Variants in RGS6 observed in about 807,000 individuals in gnomAD.
RGS6 encodes regulator of G protein signaling 6.
A neutral mutation model predicts 78.5 loss-of-function variants in RGS6; 30 were observed. The observed-to-expected ratio is 0.38, with a 90% CI of 0.29 to 0.52. RGS6 has a LOEUF of 0.52. Among genes scored for constraint, RGS6 ranks in the 20% least tolerant of loss-of-function variants. The probability of loss-of-function intolerance (pLI) is 0.85; values close to 1 mark genes in which losing one functional copy is unlikely to be tolerated. For missense variants in RGS6, 495 were observed against 609.7 expected (o/e 0.81, Z 1.98); for synonymous variants, 206 against 206.0 (o/e 1.00, Z 0.00).
At position 72,461,878 on chromosome 14, in the gene RGS6, A is replaced by C. The variant is rs529321181; in HGVS notation, c.394+2195A>C. On this transcript the variant is annotated intron_variant, in intron 6 of 17. Coordinates refer to ENST00000553525, the MANE Select transcript of RGS6 (RefSeq NM_001204424.2). ...AGAGACCTCATATTAAAATTAGAGT[A>C]GTAATGGCACTTGTCTCCTAGTGTT... is the stretch of plus-strand genomic sequence containing the variant. Among the ~76,000 whole-genome samples the C allele has an allele frequency of 5.9e-5, 9 of 152,318 alleles. 1 individual carries two copies. The highest frequency in any genetic ancestry group is 5.9e-4 in the Admixed American group (9 of 15,312).
At chr14:72,621,344 C>A in the RGS6 span, among the ~76,000 whole-genome samples, 2 of 152,126 alleles carry the variant, frequency 1.3e-5, no homozygotes, top group African/African-American at 2.4e-5. Flanking sequence ...TGGCCCCACC[C>A]CCTAGTTTCA....
At chr14:71,994,100 C>T (rs1047465372) in intron 2 of RGS6, among the ~76,000 whole-genome samples, 1 of 151,954 alleles carries the variant, frequency 6.6e-6, no homozygotes, top group African/African-American at 2.4e-5. Flanking sequence ...CTGCATTATA[C>T]ATACCCAATT....
intron 2 of RGS6, among the ~76,000 whole-genome samples, chr14:71,983,891 T>C (rs2094568941): frequency 6.6e-6 from 1 of 152,242 alleles, no homozygotes; most frequent in African/African-American, 2.4e-5. Context: ...CGCGTGAAGC[T>C]TAGTGCTCTC....
At chr14:72,385,433 T>G (rs1218272000) in intron 3 of RGS6, among the ~76,000 whole-genome samples, 1 of 152,218 alleles carries the variant, frequency 6.6e-6, no homozygotes, top group Non-Finnish European at 1.5e-5. Context: ...TAGCCAAGTC[T>G]CCTTGGTGTT....
intron 3 of RGS6, among the ~76,000 whole-genome samples, chr14:72,415,057 T>C (rs2093700695): frequency 6.6e-6 from 1 of 152,214 alleles, no homozygotes; most frequent in Non-Finnish European, 1.5e-5. Flanking sequence ...ACCACTGCTC[T>C]CTTCAAAGCT....
At chr14:72,593,399 T>C in the RGS6 span, among the ~76,000 whole-genome samples, 3 of 143,382 alleles carry the variant, frequency 2.1e-5, no homozygotes, top group African/African-American at 7.4e-5. Context: ...TTGTTTTGTT[T>C]TTTTGAGATG....
At position 72,441,356 on chromosome 14, in the gene RGS6, C is replaced by A. The variant is rs1330769513; in HGVS notation, c.185-13172C>A. Among the ~76,000 whole-genome samples, 2 of 152,222 alleles carry A rather than the reference C, an allele frequency of 1.3e-5. 1 individual carries two copies. The highest frequency in any genetic ancestry group is 1.3e-4 in the Admixed American group (2 of 15,284). Reference sequence around the variant, plus strand: ...TCTCTCCTCAGTCTCACATGACTGGCTTCAGTTTTCTCACCAGTCCTGCAA... The same window carrying A: ...TCTCTCCTCAGTCTCACATGACTGGATTCAGTTTTCTCACCAGTCCTGCAA... On this transcript the variant is annotated intron_variant, in intron 3 of 17. Transcript: ENST00000553525.
downstream of RGS6, among the ~76,000 whole-genome samples, chr14:72,568,045 C>T (rs1383527337): frequency 6.6e-6 from 1 of 152,188 alleles, no homozygotes; most frequent in Non-Finnish European, 1.5e-5. Flanking sequence ...GGTGTAGCCA[C>T]GTGAGCTCCA....
intron 2 of RGS6, among the ~76,000 whole-genome samples, chr14:72,012,344 A>G (rs963642554): frequency 1.3e-5 from 2 of 152,226 alleles, no homozygotes; most frequent in African/African-American, 4.8e-5. Context: ...CTAAAAAAGG[A>G]AAGATCATGA....
chr14:72,629,765 G>C, the RGS6 span: 6 of 1,504,336 alleles, frequency 4.0e-6, no homozygotes, highest in Non-Finnish European at 5.4e-6. Context: ...AACAGCATTA[G>C]GGCCAAAGTA....
In RGS6 at chr14:72,477,888, G is replaced by A. The variant is rs373118166; in HGVS notation, c.793-380G>A. ...AGCATGCCAAGGACATGGGTGTGAC[G>A]TGCCTGTGAAAGGTGGGCAGAGGAG... is the stretch of plus-strand genomic sequence containing the variant. On this transcript the variant is annotated intron_variant, in intron 11 of 17. Transcript: ENST00000553525. Among the ~76,000 whole-genome samples, 44 of 152,210 alleles carry A rather than the reference G, an allele frequency of 2.9e-4. No homozygotes were observed. In the East Asian group the frequency reaches 6.4e-3, roughly 22 times the overall value.
intron 3 of RGS6, among the ~76,000 whole-genome samples, chr14:72,355,063 T>C (rs895093644): frequency 5.3e-5 from 8 of 152,194 alleles, no homozygotes; most frequent in African/African-American, 9.6e-5. Flanking sequence ...AAATTTATGC[T>C]AGCCTCATAA....
chr14:72,420,949 T>C (rs1253817423), intron 3 of RGS6: 2 of 152,182 alleles, frequency 1.3e-5, no homozygotes, highest in Non-Finnish European at 2.9e-5. Flanking sequence ...TTCGTGGTGA[T>C]AATGTGAACT....
intron 4 of RGS6, among the ~76,000 whole-genome samples, chr14:72,455,989 G>T (rs558237171): frequency 4.6e-5 from 7 of 152,206 alleles, no homozygotes; most frequent in African/African-American, 1.7e-4. Flanking sequence ...CTAAATTGGC[G>T]AGCAGTATGT....
At chr14:72,243,767 C>G (rs1168517072) in intron 2 of RGS6, among the ~76,000 whole-genome samples, 1 of 143,046 alleles carries the variant, frequency 7.0e-6, no homozygotes, top group South Asian at 2.2e-4. Context: ...TTTTTTTTTT[C>G]TTGTCTTTAT....
At chr14:72,399,429 T>C (rs2092037929) in intron 3 of RGS6, among the ~76,000 whole-genome samples, 1 of 152,152 alleles carries the variant, frequency 6.6e-6, no homozygotes, top group Non-Finnish European at 1.5e-5. Context: ...TGTGTGTCTC[T>C]GCACGTGAGA....
At chr14:72,313,394 C>T (rs1218309858) in intron 2 of RGS6, among the ~76,000 whole-genome samples, 1 of 152,222 alleles carries the variant, frequency 6.6e-6, no homozygotes. Context: ...CCACTGATCC[C>T]ATAGTGGCAG....
chr14:72,492,649 G>C (rs1405008958), intron 12 of RGS6, among the ~76,000 whole-genome samples: 5 of 152,142 alleles, frequency 3.3e-5, no homozygotes, highest in African/African-American at 9.7e-5. Context: ...AAAGTACTCA[G>C]CATGCCAACA....
the RGS6 span, among the ~76,000 whole-genome samples, chr14:72,598,277 A>C: frequency 6.6e-6 from 1 of 152,056 alleles, no homozygotes; most frequent in Non-Finnish European, 1.5e-5. Context: ...TATTTCCAAG[A>C]GTTTGAGAGG....
Sources: gnomAD v4.1 joint callset for allele counts (sites outside exome capture counted in the v4.1 genomes callset) on GRCh38, gnomAD v4.1.1 for gene constraint, MANE v1.5 for transcripts, NCBI Gene and HGNC (gene_info 2026-07-23, HGNC 2026-07-21) for gene names.